Variants in DENND2A observed in about 807,000 individuals in gnomAD.
DENND2A encodes the protein DENN domain containing 2A.
DENND2A carries 53 observed loss-of-function variants against 105.3 expected under a neutral mutation model. That is an observed-to-expected ratio of 0.50 (90% CI 0.40 to 0.63). The LOEUF is 0.63. DENND2A is among the 30% of genes least tolerant of loss of function. The pLI is 0.00. For missense variants in DENND2A, 1,138 were observed against 1,279.6 expected (o/e 0.89, Z 1.69); for synonymous variants, 522 against 508.4 (o/e 1.03, Z -0.36).
At chr7:140,636,237 C>T (rs1439450360) in intron 1 of DENND2A, among the ~76,000 whole-genome samples, 1 of 152,110 alleles carries the variant, frequency 6.6e-6, no homozygotes, top group Non-Finnish European at 1.5e-5. Context: ...GGGGTCACAG[C>T]CCGAAAGGCG....
chr7:140,521,645 G>C (rs1425779237), intron 18 of DENND2A, among the ~76,000 whole-genome samples: 1 of 152,210 alleles, frequency 6.6e-6, no homozygotes, highest in African/African-American at 2.4e-5. Context: ...ACTGGAATGT[G>C]GTTCTGGGAG....
chr7:140,562,397 C>T (rs879543211), intron 9 of DENND2A, among the ~76,000 whole-genome samples: 44 of 152,116 alleles, frequency 2.9e-4, no homozygotes, highest in Middle Eastern at 3.4e-3. Flanking sequence ...CGTGGTGGCT[C>T]ACGCCTGTAA....
rs774627233 is a variant in DENND2A at position 140,527,473 on chromosome 7, C to T, written c.2350G>A (p.Ala784Thr). Residue 784 changes from alanine to threonine, a missense_variant, in exon 15 of 20, where the codon GCG (alanine) becomes ACG (threonine). This residue lies in a region of DENND2A where 627 missense variants were observed against 779.8 expected (regional missense o/e 0.80). Transcript: ENST00000496613. This position sits in a 1 kb window ranked among gnomAD's most constrained non-coding sequence, Gnocchi z 4.9. Reference protein sequence around the residue: ...KLSILSKCCHAMVALIYPFAW... With the variant: ...KLSILSKCCHTMVALIYPFAW... Reference sequence around the variant, plus strand: ...AAGGGGTAGATCAGCGCCACCATCGCGTGGCAGCACTTGGACAGGATGCTG... The same window carrying T: ...AAGGGGTAGATCAGCGCCACCATCGTGTGGCAGCACTTGGACAGGATGCTG... 106 of 1,604,652 alleles carry T rather than the reference C, an allele frequency of 6.6e-5. No homozygotes were observed. The highest frequency in any genetic ancestry group is 8.7e-5 in the Non-Finnish European group (102 of 1,175,590).
rs950933286 is a variant in DENND2A, at chr7:140,602,084, C to T, written c.314G>A (p.Ser105Asn). The T allele has an allele frequency of 9.9e-6, 16 of 1,614,064 alleles. No homozygotes were observed. The highest frequency in any genetic ancestry group is 1.3e-5 in the African/African-American group (1 of 74,922). The change falls in exon 3 of 20, where the codon AGC (serine) becomes AAC (asparagine). Residue 105 changes from serine (S) to asparagine (N), a missense_variant. This residue lies in a region of DENND2A where 511 missense variants were observed against 499.9 expected (regional missense o/e 1.02). Coordinates refer to ENST00000496613, the MANE Select transcript of DENND2A (RefSeq NM_015689.5). ...TCCTTTATTCCTCTCCTTCTCTGTGCTCTCTGTTCCTGGCCTCATTCCATT... is the reference window on the plus strand; with the variant it reads ...TCCTTTATTCCTCTCCTTCTCTGTGTTCTCTGTTCCTGGCCTCATTCCATT... ...AKNGMRPGTE[S>N]TEKERNKGAV...
Position 140,559,787 on chromosome 7 carries a change from C to A in DENND2A, c.1810G>T (p.Ala604Ser), listed in dbSNP as rs758236900. ...LERSFKFMRE[A>S]EDQLKAIPQF... Reference sequence around the variant, plus strand: ...GGAATGGCCTTCAGTTGGTCCTCAGCTTCTCTCATGAACTTGAAAGACCTT... The same window carrying A: ...GGAATGGCCTTCAGTTGGTCCTCAGATTCTCTCATGAACTTGAAAGACCTT... The change falls in exon 10 of 20, where the codon GCT (alanine) becomes TCT (serine). Residue 604 changes from alanine (A) to serine (S), a missense_variant. By Grantham distance (99) the Ala-to-Ser change is moderately conservative. Around this residue, in one of 2 missense-constraint regions of DENND2A, gnomAD observed 627 missense variants for 779.8 expected, o/e 0.80. Coordinates refer to ENST00000496613, the MANE Select transcript of DENND2A (RefSeq NM_015689.5). The surrounding 1 kb of genome is among the most constrained non-coding windows in gnomAD (Gnocchi z 4.1). 6.2e-7 allele frequency: 1 copy of A among 1,614,148 alleles called. No homozygotes were observed. The highest frequency in any genetic ancestry group is 2.2e-5 in the East Asian group (1 of 44,884).
chr7:140,525,741 CCTCA>C lies in DENND2A; in HGVS notation c.2547+6_2547+9del. On this transcript the variant is annotated splice_donor_region_variant and intron_variant, in intron 16 of 19. Transcript: ENST00000496613. Reference sequence around the variant, plus strand: ...AAAGGGAGCAGGAGGCCGTCGCTGGCCTCACTCACCTGTCTGAGGAACCGGCTGT... The same window carrying C: ...AAAGGGAGCAGGAGGCCGTCGCTGGCCTCACCTGTCTGAGGAACCGGCTGT... 6.2e-7 allele frequency: 1 copy of C among 1,605,490 alleles called. No homozygotes were observed. Among genetic ancestry groups the C allele is most frequent in the Non-Finnish European group, 8.5e-7 (1 of 1,175,984 alleles).
intron 14 of DENND2A, among the ~76,000 whole-genome samples, chr7:140,540,772 C>T (rs936305264): frequency 6.6e-6 from 1 of 151,708 alleles, no homozygotes; most frequent in Non-Finnish European, 1.5e-5. Flanking sequence ...GGCAGGAGTG[C>T]GATGGCATGA....
chr7:140,557,231 C>A (rs534304767), intron 11 of DENND2A, among the ~76,000 whole-genome samples: 1 of 151,682 alleles, frequency 6.6e-6, no homozygotes, highest in East Asian at 2.0e-4. Flanking sequence ...ACAGCAAGAT[C>A]CTGTCTCTAC....
intron 6 of DENND2A, among the ~76,000 whole-genome samples, 153 bp from the exon 7 acceptor site, chr7:140,569,891 A>T (rs1237926637): frequency 6.8e-6 from 1 of 147,754 alleles, no homozygotes; most frequent in African/African-American, 2.5e-5. Context: ...TCTTTCAATC[A>T]TTTTTTTTTT....
At chr7:140,600,964 G>A (rs550296550) in intron 3 of DENND2A, among the ~76,000 whole-genome samples, 3 of 152,282 alleles carry the variant, frequency 2.0e-5, no homozygotes, top group East Asian at 3.9e-4. Context: ...CTGAGGCTTC[G>A]AGAGGTTAGA....
intron 5 of DENND2A, among the ~76,000 whole-genome samples, chr7:140,579,032 A>C (rs1798422600): frequency 6.6e-6 from 1 of 152,220 alleles, no homozygotes; most frequent in African/African-American, 2.4e-5. Context: ...GCGGTGGCTC[A>C]TGCCTGTAAT....
Position 140,546,825 on chromosome 7 carries a change from T to C in DENND2A, c.2152A>G (p.Asn718Asp). The C allele has an allele frequency of 6.2e-7, 1 of 1,614,110 alleles. No individual in the cohort carries two copies. Among genetic ancestry groups the C allele is most frequent in the Non-Finnish European group, 8.5e-7 (1 of 1,179,980 alleles). Residue 718 changes from asparagine (N) to aspartate (D), a missense_variant, in exon 13 of 20, where the codon AAC becomes GAC. Physicochemically the swap from Asn to Asp is conservative, Grantham distance 23 (BLOSUM62 1). Around this residue, in one of 2 missense-constraint regions of DENND2A, gnomAD observed 627 missense variants for 779.8 expected, o/e 0.80. Transcript: ENST00000496613. The part of the protein sequence containing the change: ...PALGKTILVK[N>D]FLPGSGTEVI... ...TCAGTTCCTGAACCTGGCAGGAAGTTCTTGACAAGGATGGTTTTGCCCAGG... is the reference window on the plus strand; with the variant it reads ...TCAGTTCCTGAACCTGGCAGGAAGTCCTTGACAAGGATGGTTTTGCCCAGG...
intron 5 of DENND2A, among the ~76,000 whole-genome samples, chr7:140,574,391 C>T (rs1388547795): frequency 6.6e-6 from 1 of 151,958 alleles, no homozygotes; most frequent in African/African-American, 2.4e-5. Flanking sequence ...GCTAATTTTT[C>T]GTATTTTAGT....
At chr7:140,627,906 C>T (rs116162823) in intron 1 of DENND2A, among the ~76,000 whole-genome samples, 1,709 of 151,862 alleles carry the variant, frequency 0.011, 42 homozygotes, top group African/African-American at 0.039. Flanking sequence ...ATTTTCCTGC[C>T]TTGGCCTCCT....
intron 1 of DENND2A, among the ~76,000 whole-genome samples, chr7:140,615,544 T>G (rs975824736): frequency 6.6e-6 from 1 of 151,674 alleles, no homozygotes; most frequent in Non-Finnish European, 1.5e-5. Flanking sequence ...TTTTTTTTTT[T>G]TTTTCTTTTT....
intron 14 of DENND2A, among the ~76,000 whole-genome samples, chr7:140,534,761 G>A (rs777380512): frequency 6.6e-6 from 1 of 152,198 alleles, no homozygotes; most frequent in African/African-American, 2.4e-5. Flanking sequence ...GACATAGAAA[G>A]AGAGTCCTCA....
rs1419505324 is a variant in DENND2A, at chr7:140,624,942, C to T, written c.-248+15562G>A. ...CTGGAGCGCAGTGATGTGAATACAG[C>T]TTCGACCTTATGTCCAGCAATCTTC... On this transcript the variant is annotated intron_variant, in intron 1 of 19. Transcript: ENST00000496613. Among the ~76,000 whole-genome samples the T allele has an allele frequency of 3.3e-5, 5 of 150,082 alleles. No individual in the cohort carries two copies. The East Asian group carries it at 9.8e-4, about 29-fold the overall frequency.
intron 5 of DENND2A, 41 bp downstream of exon 5, chr7:140,585,548 T>C (rs1336624167): frequency 6.2e-7 from 1 of 1,612,708 alleles, no homozygotes; most frequent in East Asian, 2.2e-5. Flanking sequence ...GCCACCATGC[T>C]TTGGCCCCCT....
intron 5 of DENND2A, among the ~76,000 whole-genome samples, chr7:140,578,630 C>T (rs1563154647): frequency 1.3e-5 from 2 of 152,224 alleles, no homozygotes; most frequent in Non-Finnish European, 2.9e-5. Context: ...CCTGTAATCC[C>T]AGCACTTTGG....
Sources: allele counts gnomAD v4.1 joint callset (sites outside exome capture counted in the v4.1 genomes callset), GRCh38; gene constraint gnomAD v4.1.1; regional missense constraint gnomAD v4.1.1; non-coding constraint Gnocchi (gnomAD v3.1); transcripts MANE v1.5; gene names NCBI Gene and HGNC (gene_info 2026-07-23, HGNC 2026-07-21).